The following DENND4C variants were observed in gnomAD, a reference collection of about 807,000 sequenced individuals.
The protein encoded by DENND4C is DENN domain containing 4C.
Under a neutral mutation model 203.0 loss-of-function variants are expected in DENND4C, and 108 were observed. The ratio of observed to expected loss-of-function variants is 0.53; its 90% confidence interval spans 0.46 to 0.62. The LOEUF (loss-of-function observed/expected upper bound fraction) is 0.62. Ranked by LOEUF, DENND4C falls within the 20% of genes least tolerant of loss-of-function variation. The probability of loss-of-function intolerance (pLI) is 0.00; values close to 1 mark genes in which losing one functional copy is unlikely to be tolerated. For missense variants in DENND4C, 2,481 were observed against 2,301.2 expected (o/e 1.08, Z -1.60); for synonymous variants, 871 against 792.4 (o/e 1.10, Z -1.67).
Position 19,328,389 on chromosome 9 carries a change from G to T in DENND4C, c.2253+227G>T, listed in dbSNP as rs540407185. On this transcript the variant is annotated intron_variant, in intron 16 of 32. Coordinates refer to ENST00000434457, the MANE Select transcript of DENND4C (RefSeq NM_001330640.2). ...GCACTTTCAGAGGCTGAGGTGAGCA[G>T]ATCACTTGAGGTCAGGAGTTAGAGA... Among the ~76,000 whole-genome samples the T allele has an allele frequency of 7.9e-5, 12 of 152,322 alleles. No individual in the cohort carries two copies. In the South Asian group the frequency reaches 2.5e-3, roughly 32 times the overall value.
chr9:19,254,409 A>C (rs1473528319), intron 1 of DENND4C, among the ~76,000 whole-genome samples: 1 of 152,238 alleles, frequency 6.6e-6, no homozygotes, highest in Admixed American at 6.5e-5. Context: ...ATTTAGCCAT[A>C]AAAAGAAGGA....
rs996937936 is a variant in DENND4C, at chr9:19,358,762, G to T, written c.5160+602G>T. Among the ~76,000 whole-genome samples, 9 of 151,778 alleles carry T rather than the reference G, an allele frequency of 5.9e-5. No individual in the cohort carries two copies. Among genetic ancestry groups the T allele is most frequent in the African/African-American group, 2.2e-4 (9 of 41,104 alleles). ...TGCAATTTATTTGTTGATAAAACTG[G>T]TTAGAGTACAGTTTTCCATAATCCA... On this transcript the variant is annotated intron_variant, in intron 28 of 32. Transcript: ENST00000434457. The surrounding 1 kb of genome is among the most constrained non-coding windows in gnomAD (Gnocchi z 4.8).
chr9:19,299,676 A>C (rs1838158168), intron 8 of DENND4C, among the ~76,000 whole-genome samples: 1 of 152,266 alleles, frequency 6.6e-6, no homozygotes, highest in Middle Eastern at 3.4e-3. Flanking sequence ...AGACTATTTC[A>C]CTATTAGCCT....
intron 1 of DENND4C, among the ~76,000 whole-genome samples, chr9:19,250,508 G>C (rs1010594652): frequency 6.6e-6 from 1 of 152,032 alleles, no homozygotes; most frequent in Non-Finnish European, 1.5e-5. Context: ...GATTACAAAC[G>C]TGAGTCGCTG....
intron 1 of DENND4C, among the ~76,000 whole-genome samples, chr9:19,261,022 T>C (rs1385620424): frequency 6.6e-6 from 1 of 152,150 alleles, no homozygotes; most frequent in Non-Finnish European, 1.5e-5. Context: ...GTATTTGTCT[T>C]GATTTGATTT....
intron 12 of DENND4C, among the ~76,000 whole-genome samples, chr9:19,322,686 A>G (rs1264226517): frequency 6.7e-6 from 1 of 150,158 alleles, no homozygotes; most frequent in Non-Finnish European, 1.5e-5. Context: ...CAGTGAGCCA[A>G]GATTGACTGC....
At chr9:19,252,909 G>A (rs931912369) in intron 1 of DENND4C, among the ~76,000 whole-genome samples, 1 of 152,100 alleles carries the variant, frequency 6.6e-6, no homozygotes, top group African/African-American at 2.4e-5. Context: ...CTAATTTTTT[G>A]TATTTTTAGT....
At chr9:19,237,508 C>T (rs1349413256) in intron 1 of DENND4C, among the ~76,000 whole-genome samples, 1 of 152,114 alleles carries the variant, frequency 6.6e-6, no homozygotes, top group Non-Finnish European at 1.5e-5. Flanking sequence ...TGTGCCACCA[C>T]GCCTGGCTAA....
At chr9:19,302,044 T>G (rs1470142109) in intron 9 of DENND4C, among the ~76,000 whole-genome samples, 1 of 152,198 alleles carries the variant, frequency 6.6e-6, no homozygotes. Context: ...AGTAGTATGG[T>G]GCAAGAACAG....
intron 26 of DENND4C, among the ~76,000 whole-genome samples, 199 bp from the exon 27 acceptor site, chr9:19,356,773 A>ATGTG (rs753321782): frequency 4.0e-3 from 553 of 139,706 alleles, no homozygotes; most frequent in African/African-American, 0.014. Context: ...GAGAGCAGGA[A>ATGTG]TGTGTGTGTG....
chr9:19,298,042 A>T lies in DENND4C; in HGVS notation c.1041-14A>T, dbSNP rs754167112. 1.0e-5 allele frequency: 16 copies of T among 1,573,718 alleles called. No individual in the cohort carries two copies. The highest frequency in any genetic ancestry group is 6.8e-5 in the Admixed American group (4 of 58,450). On this transcript the variant is annotated splice_polypyrimidine_tract_variant and intron_variant, in intron 6 of 32. Transcript: ENST00000434457. ...AAAGTAATTATTATATTTATTTCAA[A>T]TTTTTTTTTCTAGGCACATTTCACA...
At chr9:19,316,549 A>T in intron 11 of DENND4C, 32 bp downstream of exon 11, 1 of 1,602,980 alleles carries the variant, frequency 6.2e-7, no homozygotes, top group Middle Eastern at 1.7e-4. Flanking sequence ...ATTATTAATG[A>T]AGGAATGTAT....
chr9:19,288,492 A>G, intron 3 of DENND4C, 104 bp from the exon 4 acceptor site: 1 of 634,452 alleles, frequency 1.6e-6, no homozygotes, highest in African/African-American at 1.9e-5. Flanking sequence ...AACGTTTTAA[A>G]TAGACTCTTC....
intron 1 of DENND4C, among the ~76,000 whole-genome samples, chr9:19,233,897 A>G (rs1821213681): frequency 6.6e-6 from 1 of 152,098 alleles, no homozygotes; most frequent in African/African-American, 2.4e-5. Flanking sequence ...AAAACTTTTT[A>G]TTGGAAAAAA....
intron 12 of DENND4C, among the ~76,000 whole-genome samples, chr9:19,322,743 A>T (rs944297631): frequency 4.6e-5 from 7 of 151,838 alleles, no homozygotes; most frequent in Admixed American, 1.3e-4. Flanking sequence ...AAAAAAAAAA[A>T]AAAAAAAATA....
intron 1 of DENND4C, among the ~76,000 whole-genome samples, chr9:19,274,876 C>G (rs188195420): frequency 6.6e-6 from 1 of 152,270 alleles, no homozygotes; most frequent in Admixed American, 6.5e-5. Context: ...AGCTCTAAGA[C>G]TCCTGTAACT....
At chr9:19,251,408 G>A (rs536954480) in intron 1 of DENND4C, among the ~76,000 whole-genome samples, 2 of 152,362 alleles carry the variant, frequency 1.3e-5, no homozygotes, top group Admixed American at 1.3e-4. Context: ...CTCTGGGCCT[G>A]TGATGGGAGA....
intron 1 of DENND4C, among the ~76,000 whole-genome samples, chr9:19,246,620 G>A (rs1037461014): frequency 4.0e-5 from 6 of 150,654 alleles, no homozygotes; most frequent in African/African-American, 1.2e-4. Flanking sequence ...ATTCCTACTT[G>A]CAGACCACTT....
chr9:19,367,495 GGAGGCT>G (rs757282028), intron 30 of DENND4C, among the ~76,000 whole-genome samples: 24 of 152,268 alleles, frequency 1.6e-4, no homozygotes, highest in Non-Finnish European at 3.2e-4. Context: ...CAGCACTTTG[GGAGGCT>G]GAGGCCGGCA....
Sources: allele counts gnomAD v4.1 joint callset (sites outside exome capture counted in the v4.1 genomes callset), GRCh38; gene constraint gnomAD v4.1.1; non-coding constraint Gnocchi (gnomAD v3.1); transcripts MANE v1.5; gene names NCBI Gene and HGNC (gene_info 2026-07-23, HGNC 2026-07-21).